DECR1: variants seen among roughly 807,000 people sequenced by gnomAD.
DECR1 encodes 2,4-dienoyl-CoA reductase 1.
A neutral mutation model predicts 38.8 loss-of-function variants in DECR1; 44 were observed. That is an observed-to-expected ratio of 1.13 (90% CI 0.89 to 1.46). The LOEUF is 1.46. DECR1 is among the 40% of genes most tolerant of loss of function. The pLI, the probability that DECR1 is intolerant of heterozygous loss-of-function variation, is 0.00. For missense variants in DECR1, 428 were observed against 405.5 expected (o/e 1.06, Z -0.48); for synonymous variants, 148 against 135.2 (o/e 1.09, Z -0.66).
At chr8:90,006,629 G>T (rs1232332409) in intron 1 of DECR1, among the ~76,000 whole-genome samples, 1 of 152,206 alleles carries the variant, frequency 6.6e-6, no homozygotes, top group Non-Finnish European at 1.5e-5. Context: ...GTGATATTTA[G>T]GAGGTAAAAT....
At chr8:90,030,288 G>A (rs1813464739) in intron 5 of DECR1, among the ~76,000 whole-genome samples, 1 of 152,148 alleles carries the variant, frequency 6.6e-6, no homozygotes, top group Non-Finnish European at 1.5e-5. Context: ...GGGCTGGGGT[G>A]TGGGGGTCCC....
chr8:90,037,003 C>G, intron 6 of DECR1, 63 bp downstream of exon 6: 2 of 1,132,370 alleles, frequency 1.8e-6, no homozygotes, highest in Non-Finnish European at 2.6e-6. Context: ...GCTCAGGGAA[C>G]TGTATTCCTG....
chr8:90,007,100 G>A (rs916145743), intron 1 of DECR1, among the ~76,000 whole-genome samples: 2 of 152,104 alleles, frequency 1.3e-5, no homozygotes, highest in African/African-American at 4.8e-5. Flanking sequence ...TCACAGCTGG[G>A]TTTCAATGAT....
At chr8:90,007,362 C>T (rs1265028182) in intron 1 of DECR1, among the ~76,000 whole-genome samples, 3 of 152,092 alleles carry the variant, frequency 2.0e-5, no homozygotes, top group South Asian at 2.1e-4. Context: ...TAGCAGTCCT[C>T]GGAAGATCAG....
intron 8 of DECR1, among the ~76,000 whole-genome samples, chr8:90,050,315 T>TCAAA (rs1814042666): frequency 6.6e-6 from 1 of 151,270 alleles, no homozygotes; most frequent in Non-Finnish European, 1.5e-5. Context: ...TACAAAGAAC[T>TCAAA]TAAATTTACA....
intron 1 of DECR1, among the ~76,000 whole-genome samples, chr8:90,007,245 G>A (rs1449547540): frequency 6.6e-6 from 1 of 152,100 alleles, no homozygotes; most frequent in Non-Finnish European, 1.5e-5. Context: ...AGAGGGACAG[G>A]AGCTAGGTCG....
chr8:90,034,955 T>A (rs1813583575), intron 5 of DECR1, among the ~76,000 whole-genome samples: 1 of 152,180 alleles, frequency 6.6e-6, no homozygotes, highest in African/African-American at 2.4e-5. Flanking sequence ...CATTTTCATA[T>A]CACCTTGATT....
chr8:90,009,971 C>A (rs1812842613), intron 1 of DECR1, among the ~76,000 whole-genome samples: 1 of 152,206 alleles, frequency 6.6e-6, no homozygotes, highest in Non-Finnish European at 1.5e-5. Flanking sequence ...TTCACTGATA[C>A]AAAATGTATC....
At chr8:90,030,592 G>T (rs1360524452) in intron 5 of DECR1, 1 of 152,206 alleles carries the variant, frequency 6.6e-6, no homozygotes, top group South Asian at 2.1e-4. Context: ...GGAGGGAAAA[G>T]ATGACCAGTC....
intron 8 of DECR1, among the ~76,000 whole-genome samples, chr8:90,047,906 A>C (rs1340414158): frequency 6.6e-6 from 1 of 152,254 alleles, no homozygotes; most frequent in Non-Finnish European, 1.5e-5. Flanking sequence ...AACTACATGG[A>C]AACTGAACAA....
At chr8:90,015,063 C>T (rs1014091398) in intron 1 of DECR1, among the ~76,000 whole-genome samples, 3 of 152,016 alleles carry the variant, frequency 2.0e-5, no homozygotes, top group Admixed American at 6.6e-5. Flanking sequence ...TATACATGAT[C>T]TCAAATTTTG....
chr8:90,026,466 C>G (rs532819645), intron 5 of DECR1, among the ~76,000 whole-genome samples: 36 of 152,142 alleles, frequency 2.4e-4, no homozygotes, highest in Admixed American at 2.2e-3. Flanking sequence ...GTGTATGTGT[C>G]CAGGAATGTA....
rs376168822 is a variant in DECR1, at chr8:90,022,683, A to G, written c.565+1627A>G. Among the ~76,000 whole-genome samples the G allele has an allele frequency of 6.6e-5, 10 of 151,260 alleles. 1 individual carries two copies. The highest frequency in any genetic ancestry group is 2.4e-4 in the African/African-American group (10 of 41,110). The stretch of plus-strand genomic sequence containing the variant: ...TGCTGATATCTCCATTTCATTCTCT[A>G]CTGCTCTGCCTCTGTCAGCTCCTCA... On this transcript the variant is annotated intron_variant, in intron 5 of 9. Transcript: ENST00000220764.
chr8:90,018,308 G>A (rs1805864), intron 2 of DECR1, among the ~76,000 whole-genome samples: 77,335 of 152,058 alleles, frequency 0.51, 22,011 homozygotes, highest in African/African-American at 0.77. Context: ...CTGGTACCCT[G>A]TAAACTCTGT....
At chr8:90,014,904 T>C (rs956224218) in intron 1 of DECR1, among the ~76,000 whole-genome samples, 2 of 152,184 alleles carry the variant, frequency 1.3e-5, no homozygotes, top group Non-Finnish European at 2.9e-5. Context: ...CTGCCACTTA[T>C]GTAGAAAAAG....
At chr8:90,027,846 A>G (rs78421679) in intron 5 of DECR1, among the ~76,000 whole-genome samples, 3,848 of 152,082 alleles carry the variant, frequency 0.025, 63 homozygotes, top group Middle Eastern at 0.044. Context: ...AGATGGGTAT[A>G]TTTTTAAGCC....
intron 1 of DECR1, among the ~76,000 whole-genome samples, chr8:90,014,835 T>G (rs1812968240): frequency 6.6e-6 from 1 of 152,168 alleles, no homozygotes; most frequent in African/African-American, 2.4e-5. Flanking sequence ...TTGAGTGAAC[T>G]TCTTGATTCA....
At chr8:90,006,033 C>T in intron 1 of DECR1, 2 of 605,020 alleles carry the variant, frequency 3.3e-6, no homozygotes, top group Non-Finnish European at 5.9e-6. Flanking sequence ...TTGCCACTGC[C>T]AGGATGAAGA....
Position 90,042,397 on chromosome 8 carries a change from G to A in DECR1, c.666-331G>A. The A allele has an allele frequency of 2.3e-5, 5 of 218,124 alleles. No individual in the cohort carries two copies. In the South Asian group the frequency reaches 5.4e-4, roughly 24 times the overall value. 13.5% of individuals were successfully genotyped at this position (218,124 alleles called of 1,614,324 possible). A position where few individuals can be genotyped will look rare whatever the true frequency, so the allele number is the denominator to read the frequency against. ...AAATGTGTATTGACATTGGACAAAA[G>A]TATATATTCTAAACTACAAATGGTA... On this transcript the variant is annotated intron_variant, in intron 6 of 9. Coordinates refer to ENST00000220764, the MANE Select transcript of DECR1 (RefSeq NM_001359.2).
Sources: allele counts gnomAD v4.1 joint callset (sites outside exome capture counted in the v4.1 genomes callset), GRCh38; gene constraint gnomAD v4.1.1; transcripts MANE v1.5; gene names NCBI Gene and HGNC (gene_info 2026-07-23, HGNC 2026-07-21).